Variants in CDK14 observed in about 807,000 individuals in gnomAD.
The protein encoded by CDK14 is cyclin dependent kinase 14, also known as cyclin-dependent kinase 14.
In CDK14, 34 loss-of-function variants were observed where a neutral mutation model predicts 60.7. The ratio of observed to expected loss-of-function variants is 0.56; its 90% confidence interval spans 0.43 to 0.75. CDK14 has a LOEUF of 0.75. Among genes scored for constraint, CDK14 ranks in the 30% least tolerant of loss-of-function variants. The pLI is 0.00. For missense variants in CDK14, 482 were observed against 564.1 expected (o/e 0.85, Z 1.47); for synonymous variants, 197 against 203.7 (o/e 0.97, Z 0.28).
At chr7:90,737,988 A>C (rs943237738) in intron 3 of CDK14, among the ~76,000 whole-genome samples, 1 of 152,200 alleles carries the variant, frequency 6.6e-6, no homozygotes, top group African/African-American at 2.4e-5. Flanking sequence ...TGAACACTGA[A>C]GTATACTCAT....
intron 5 of CDK14, among the ~76,000 whole-genome samples, chr7:90,815,052 TG>T (rs978448529): frequency 2.7e-4 from 41 of 152,342 alleles, no homozygotes; most frequent in African/African-American, 9.4e-4. Context: ...TGTTCATTTT[TG>T]TTGTTGTTGT....
In CDK14 at chr7:90,927,509, A is replaced by G. The variant is rs145026799; in HGVS notation, c.826+9785A>G. Among the ~76,000 whole-genome samples, 1,186 of 152,300 alleles carry G rather than the reference A, an allele frequency of 7.8e-3. 19 individuals are homozygous for G. The highest frequency in any genetic ancestry group is 0.028 in the African/African-American group (1,145 of 41,554). ...CCAAATAAATATTTCTTACTAAATCACAATGTCACACAAAGTTTGGAAATA... is the reference window on the plus strand; with the variant it reads ...CCAAATAAATATTTCTTACTAAATCGCAATGTCACACAAAGTTTGGAAATA... On this transcript the variant is annotated intron_variant, in intron 8 of 14. Transcript: ENST00000380050.
intron 9 of CDK14, among the ~76,000 whole-genome samples, chr7:90,975,550 A>AAT (rs552244583): frequency 6.6e-6 from 1 of 151,506 alleles, no homozygotes; most frequent in South Asian, 2.1e-4. Context: ...TAGTCTTAAT[A>AAT]ATATATATAG....
chr7:90,654,579 A>T (rs1212416835), intron 2 of CDK14, among the ~76,000 whole-genome samples: 1 of 152,182 alleles, frequency 6.6e-6, no homozygotes, highest in African/African-American at 2.4e-5. Flanking sequence ...TCTCCATCAG[A>T]TAGAATTCCT....
At chr7:90,604,103 A>G in intron 1 of CDK14, 115 bp from the exon 2 acceptor site, 2 of 656,062 alleles carry the variant, frequency 3.0e-6, no homozygotes, top group African/African-American at 3.8e-5. Flanking sequence ...TTGGGGTACA[A>G]TTTACTTTCT....
intron 10 of CDK14, among the ~76,000 whole-genome samples, chr7:91,003,743 T>C (rs963960288): frequency 1.3e-5 from 2 of 152,268 alleles, no homozygotes; most frequent in African/African-American, 4.8e-5. Context: ...CAGAACAAGA[T>C]AATAAGGAGA....
intron 2 of CDK14, among the ~76,000 whole-genome samples, chr7:90,627,236 GGT>G (rs1799894487): frequency 1.3e-5 from 2 of 151,388 alleles, no homozygotes; most frequent in South Asian, 4.2e-4. Context: ...TTTTTGACAG[GGT>G]CTCCTTTTTT....
At chr7:91,091,020 G>A (rs1798789870) in intron 12 of CDK14, among the ~76,000 whole-genome samples, 1 of 145,638 alleles carries the variant, frequency 6.9e-6, no homozygotes, top group Non-Finnish European at 1.5e-5. Flanking sequence ...GTGTGTGTGT[G>A]TATGAGCAGC....
At chr7:91,175,614 A>T (rs1801712569) in intron 14 of CDK14, among the ~76,000 whole-genome samples, 1 of 151,810 alleles carries the variant, frequency 6.6e-6, no homozygotes, top group East Asian at 1.9e-4. Context: ...ATGGAGGAAG[A>T]TCTACCAAGC....
Position 90,863,196 on chromosome 7 carries a change from A to G in CDK14, c.566A>G (p.Lys189Arg). 1 of 1,606,586 alleles carries G rather than the reference A, an allele frequency of 6.2e-7. No individual in the cohort carries two copies. Among genetic ancestry groups the G allele is most frequent in the Non-Finnish European group, 8.5e-7 (1 of 1,174,730 alleles). Reference sequence around the variant, plus strand: ...ACAGCTTCTCTTTTAAAAGGACTAAAACATGCTAACATAGTGCTACTTCAT... The same window carrying G: ...ACAGCTTCTCTTTTAAAAGGACTAAGACATGCTAACATAGTGCTACTTCAT... Reference protein sequence around the residue: ...IREASLLKGLKHANIVLLHDI... With the variant: ...IREASLLKGLRHANIVLLHDI... Residue 189 changes from lysine (K) to arginine (R), a missense_variant, in exon 6 of 15, where the codon AAA becomes AGA. By Grantham distance (26) the Lys-to-Arg change is conservative (BLOSUM62 2). Transcript: ENST00000380050.
At chr7:90,603,067 A>AATC (rs1799348254) in intron 1 of CDK14, among the ~76,000 whole-genome samples, 1 of 115,236 alleles carries the variant, frequency 8.7e-6, no homozygotes, top group Non-Finnish European at 1.9e-5. Flanking sequence ...GCTTTCCAAT[A>AATC]GCTACCCAAG....
At chr7:91,091,501 T>TTTTATATATATATATATATATATATATA (rs1369809555) in intron 12 of CDK14, among the ~76,000 whole-genome samples, 1 of 88,972 alleles carries the variant, frequency 1.1e-5, no homozygotes, top group African/African-American at 4.3e-5. Flanking sequence ...TTTATATATT[T>TTTTATATATATATATATATATATATATA]TATATATATA....
chr7:90,680,658 A>T (rs4728921), intron 2 of CDK14, among the ~76,000 whole-genome samples: 60,495 of 152,062 alleles, frequency 0.4, 12,613 homozygotes, highest in East Asian at 0.67. Flanking sequence ...TCTCGTTGTC[A>T]TCACATATCA....
At chr7:90,691,208 G>T (rs1801545421) in intron 2 of CDK14, among the ~76,000 whole-genome samples, 1 of 152,028 alleles carries the variant, frequency 6.6e-6, no homozygotes. Flanking sequence ...TACAACTGTG[G>T]ACAAAACAGT....
chr7:90,715,690 T>G (rs1353446441), intron 2 of CDK14, among the ~76,000 whole-genome samples: 1 of 150,786 alleles, frequency 6.6e-6, no homozygotes, highest in Non-Finnish European at 1.5e-5. Context: ...GAGTAAGAGT[T>G]TTAAGGGAAT....
At chr7:90,734,444 A>C (rs1359462981) in intron 3 of CDK14, among the ~76,000 whole-genome samples, 1 of 152,228 alleles carries the variant, frequency 6.6e-6, no homozygotes, top group East Asian at 1.9e-4. Context: ...TTTCAGGTAC[A>C]TCAGTCAAAT....
chr7:90,814,723 C>A (rs1789280331), intron 5 of CDK14, among the ~76,000 whole-genome samples: 1 of 152,172 alleles, frequency 6.6e-6, no homozygotes, highest in Non-Finnish European at 1.5e-5. Flanking sequence ...TTGCAGTGAG[C>A]CGAGATTGTG....
intron 11 of CDK14, among the ~76,000 whole-genome samples, chr7:91,066,741 A>T (rs985653566): frequency 6.6e-6 from 1 of 152,208 alleles, no homozygotes; most frequent in African/African-American, 2.4e-5. Flanking sequence ...AATGTCAACG[A>T]ATTGCAGTGC....
In CDK14 at chr7:91,127,314, A is replaced by G. The variant is rs1390067980; in HGVS notation, c.*28+9106A>G. On this transcript the variant is annotated intron_variant, in intron 14 of 14. Transcript: ENST00000380050. ...TCTTAACTGTGGAAATGATCAGGTCATGTTACATTAATTAAAGCTGACATA... is the reference window on the plus strand; with the variant it reads ...TCTTAACTGTGGAAATGATCAGGTCGTGTTACATTAATTAAAGCTGACATA... Among the ~76,000 whole-genome samples, 11 of 152,308 alleles carry G rather than the reference A, an allele frequency of 7.2e-5. No homozygotes were observed. In the East Asian group the frequency reaches 2.1e-3, roughly 29 times the overall value.
Sources: gnomAD v4.1 joint callset for allele counts (sites outside exome capture counted in the v4.1 genomes callset) on GRCh38, gnomAD v4.1.1 for gene constraint, MANE v1.5 for transcripts, NCBI Gene and HGNC (gene_info 2026-07-23, HGNC 2026-07-21) for gene names.